The following AKAP19 variants were observed in gnomAD, a reference collection of about 807,000 sequenced individuals.
The protein encoded by AKAP19 is A-kinase anchoring protein 19.
At chr2:190,199,886 CT>C in the AKAP19 span, 2 of 1,613,846 alleles carry the variant, frequency 1.2e-6, no homozygotes, top group Non-Finnish European at 1.7e-6. Flanking sequence ...TCAAAGCAAA[CT>C]TTCCCATTTC....
At chr2:189,902,846 T>C in the AKAP19 span, among the ~76,000 whole-genome samples, 16 of 151,904 alleles carry the variant, frequency 1.1e-4, no homozygotes, top group African/African-American at 3.9e-4. Flanking sequence ...GGTTTCACTG[T>C]ACAGCTCGGT....
chr2:190,087,335 G>A, the AKAP19 span, among the ~76,000 whole-genome samples: 1 of 152,118 alleles, frequency 6.6e-6, no homozygotes, highest in Non-Finnish European at 1.5e-5. Context: ...AGAATCCTAT[G>A]TTCTTAAGCC....
the AKAP19 span, among the ~76,000 whole-genome samples, chr2:189,935,889 G>A: frequency 6.6e-6 from 1 of 152,164 alleles, no homozygotes; most frequent in Non-Finnish European, 1.5e-5. Flanking sequence ...AAACCCTGGT[G>A]ACCTTTTGGC....
At chr2:190,177,607 T>C in the AKAP19 span, among the ~76,000 whole-genome samples, 1 of 152,224 alleles carries the variant, frequency 6.6e-6, no homozygotes, top group African/African-American at 2.4e-5. The surrounding 1 kb of genome is among the most constrained non-coding windows in gnomAD (Gnocchi z 4.6). Context: ...CTGACTGGTC[T>C]GCCTGAGGCA....
At chr2:190,160,762 A>G in the AKAP19 span, among the ~76,000 whole-genome samples, 1 of 152,146 alleles carries the variant, frequency 6.6e-6, no homozygotes, top group Non-Finnish European at 1.5e-5. Context: ...TATTAACTAT[A>G]AAAGGATTTC....
the AKAP19 span, among the ~76,000 whole-genome samples, chr2:190,093,092 A>G: frequency 1.3e-5 from 2 of 152,310 alleles, no homozygotes; most frequent in South Asian, 2.1e-4. Flanking sequence ...TAGTATAGCT[A>G]TAAGTATCAG....
At chr2:190,060,538 C>A in the AKAP19 span, 13 of 964,004 alleles carry the variant, frequency 1.3e-5, no homozygotes, top group Non-Finnish European at 2.0e-5. Flanking sequence ...ATAATGTATG[C>A]CTATGCAGTC....
At chr2:190,015,799 T>C in the AKAP19 span, among the ~76,000 whole-genome samples, 431 of 152,340 alleles carry the variant, frequency 2.8e-3, 6 homozygotes, top group African/African-American at 9.8e-3. Flanking sequence ...ACCTTTGTAA[T>C]GCTTTGCTGC....
chr2:189,939,696 T>C, the AKAP19 span, among the ~76,000 whole-genome samples: 3 of 152,308 alleles, frequency 2.0e-5, no homozygotes, highest in Middle Eastern at 0.01. Context: ...CAGAAACTTA[T>C]GAGATAATTT....
At chr2:190,010,433 G>A in the AKAP19 span, among the ~76,000 whole-genome samples, 1 of 152,080 alleles carries the variant, frequency 6.6e-6, no homozygotes, top group African/African-American at 2.4e-5. Context: ...AAGAGAGAGT[G>A]GATTAAGGAT....
chr2:190,052,156 G>T, the AKAP19 span, among the ~76,000 whole-genome samples: 1 of 152,100 alleles, frequency 6.6e-6, no homozygotes, highest in Non-Finnish European at 1.5e-5. Context: ...TTATCCCATG[G>T]CACCTGGCCT....
the AKAP19 span, among the ~76,000 whole-genome samples, chr2:189,933,364 A>C: frequency 6.7e-6 from 1 of 149,708 alleles, no homozygotes; most frequent in Admixed American, 6.6e-5. Flanking sequence ...CTTAATACTC[A>C]GTAAATATTT....
At chr2:190,053,573 C>T in the AKAP19 span, among the ~76,000 whole-genome samples, 1 of 152,134 alleles carries the variant, frequency 6.6e-6, no homozygotes, top group African/African-American at 2.4e-5. Context: ...ATACGTTTTG[C>T]AGTGTGTAAA....
the AKAP19 span, among the ~76,000 whole-genome samples, chr2:189,994,001 T>C: frequency 9.9e-5 from 15 of 151,958 alleles, no homozygotes; most frequent in South Asian, 3.1e-3. Flanking sequence ...CAATTTCATT[T>C]AGTTCTGCTC....
chr2:190,008,765 CACACA>C, the AKAP19 span, among the ~76,000 whole-genome samples: 88 of 109,560 alleles, frequency 8.0e-4, no homozygotes, highest in African/African-American at 2.2e-3. Flanking sequence ...CACACACACA[CACACA>C]CCCACCTGGT....
chr2:189,893,105 G>C, the AKAP19 span, among the ~76,000 whole-genome samples: 2 of 152,110 alleles, frequency 1.3e-5, no homozygotes, highest in African/African-American at 4.8e-5. Flanking sequence ...AGGTGTCCCA[G>C]GTCGACTTCA....
the AKAP19 span, among the ~76,000 whole-genome samples, chr2:190,051,356 G>A: frequency 6.6e-6 from 1 of 152,268 alleles, no homozygotes; most frequent in African/African-American, 2.4e-5. Flanking sequence ...GTAAGGCTGT[G>A]TCAATATATA....
At chr2:189,969,643 T>A in the AKAP19 span, among the ~76,000 whole-genome samples, 2 of 148,030 alleles carry the variant, frequency 1.4e-5, no homozygotes, top group African/African-American at 5.0e-5. Context: ...GGGAGAAAGT[T>A]GCTTGAACCC....
chr2:190,179,288 A>G, the AKAP19 span, among the ~76,000 whole-genome samples: 4 of 151,914 alleles, frequency 2.6e-5, no homozygotes. This position sits in a 1 kb window ranked among gnomAD's most constrained non-coding sequence, Gnocchi z 6.0. Context: ...GGCGCCTGTA[A>G]TCTCAGCCAC....
Sources: gnomAD v4.1 joint callset for allele counts (sites outside exome capture counted in the v4.1 genomes callset) on GRCh38, gnomAD v4.1.1 for gene constraint, Gnocchi (gnomAD v3.1) non-coding constraint, MANE v1.5 for transcripts, NCBI Gene and HGNC (gene_info 2026-07-23, HGNC 2026-07-21) for gene names.